COPG2: variants seen among roughly 807,000 people sequenced by gnomAD.
The protein encoded by COPG2 is coat protein complex I subunit gamma 2.
Under a neutral mutation model 46.3 loss-of-function variants are expected in COPG2, and 37 were observed. The observed-to-expected ratio is 0.80, with a 90% CI of 0.61 to 1.05. The LOEUF (loss-of-function observed/expected upper bound fraction) is 1.05, where lower values mean the gene tolerates loss of function less well. COPG2 is among the 50% of genes least tolerant of loss of function. COPG2 has a pLI of 0.00. For missense variants in COPG2, 427 were observed against 387.8 expected, an observed-to-expected ratio of 1.10 and a Z score of -0.85; for synonymous variants, 159 against 129.7, an observed-to-expected ratio of 1.23 and a Z score of -1.53.
chr7:130,615,320 AGT>A (rs1794931810), intron 6 of COPG2, among the ~76,000 whole-genome samples: 1 of 152,204 alleles, frequency 6.6e-6, no homozygotes, highest in Non-Finnish European at 1.5e-5. Flanking sequence ...ATAATCAGAA[AGT>A]TATATGAGGA....
At position 130,668,695 on chromosome 7, in the gene COPG2, C is replaced by CCACCGCAACCGTCCCAGG; in HGVS notation, c.-45_-28dup. ...TTGGACGACTTCCCAGCGCCCAGAC[C>CCACCGCAACCGTCCCAGG]CACCGCAACCGTCCCAGGCGCCGCA... On this transcript the variant is annotated 5_prime_UTR_variant, in exon 1 of 24. Transcript: ENST00000425248. 1 of 1,521,846 alleles carries CCACCGCAACCGTCCCAGG rather than the reference C, an allele frequency of 6.6e-7. No homozygotes were observed. Among genetic ancestry groups the CCACCGCAACCGTCCCAGG allele is most frequent in the Non-Finnish European group, 8.8e-7 (1 of 1,135,514 alleles). The allele number at this position is 1,521,846 out of a possible 1,614,324, so 94.3% of individuals were successfully genotyped here.
intron 11 of COPG2, among the ~76,000 whole-genome samples, chr7:130,561,847 T>C (rs1271407653): frequency 6.6e-6 from 1 of 152,192 alleles, no homozygotes; most frequent in South Asian, 2.1e-4. Flanking sequence ...TGCGAAACTC[T>C]TTAATTCTTA....
chr7:130,592,019 G>A (rs192306163), intron 9 of COPG2, among the ~76,000 whole-genome samples: 2 of 152,212 alleles, frequency 1.3e-5, no homozygotes, highest in East Asian at 1.9e-4. Context: ...TGTAGAAAGA[G>A]GTAGACATGG....
At chr7:130,572,403 T>A (rs1240662615) in intron 9 of COPG2, among the ~76,000 whole-genome samples, 2 of 152,154 alleles carry the variant, frequency 1.3e-5, no homozygotes, top group African/African-American at 4.8e-5. Context: ...ACCCAGTAAC[T>A]GTAAAAATAC....
At chr7:130,507,237 A>G in intron 23 of COPG2, 37 bp downstream of exon 23, 1 of 780,128 alleles carries the variant, frequency 1.3e-6, no homozygotes. Context: ...TAAGCTTTGC[A>G]AGAAAATGGA....
At chr7:130,513,308 A>ATATATAT (rs1554441290) in intron 20 of COPG2, among the ~76,000 whole-genome samples, 9 of 55,656 alleles carry the variant, frequency 1.6e-4, no homozygotes, top group African/African-American at 1.9e-4. Context: ...AAAAAAAAAA[A>ATATATAT]ATATATATAT....
At chr7:130,664,637 T>A (rs1796038336) in intron 3 of COPG2, among the ~76,000 whole-genome samples, 2 of 152,368 alleles carry the variant, frequency 1.3e-5, no homozygotes, top group South Asian at 4.1e-4. Context: ...CTTGGTAATT[T>A]CCTTATCAAG....
At chr7:130,574,229 T>C (rs1189704540) in intron 9 of COPG2, among the ~76,000 whole-genome samples, 1 of 152,144 alleles carries the variant, frequency 6.6e-6, no homozygotes, top group Non-Finnish European at 1.5e-5. Context: ...TACAACACAG[T>C]GAACCTCAAA....
intron 9 of COPG2, among the ~76,000 whole-genome samples, chr7:130,601,886 AGAAGGAAG>A (rs1190580860): frequency 1.4e-5 from 2 of 144,462 alleles, no homozygotes; most frequent in African/African-American, 2.5e-5. Context: ...AAGGAAGCAA[AGAAGGAAG>A]GAAGGAAGGA....
intron 9 of COPG2, among the ~76,000 whole-genome samples, chr7:130,575,872 T>C (rs1186024713): frequency 6.6e-6 from 1 of 152,092 alleles, no homozygotes; most frequent in African/African-American, 2.4e-5. Context: ...GGTGCCTTTA[T>C]GAAATACCTC....
At position 130,667,607 on chromosome 7, in the gene COPG2, G is replaced by A. The variant is rs1212856213; in HGVS notation, c.38-73C>T. The A allele has an allele frequency of 3.3e-6, 4 of 1,209,898 alleles. No individual in the cohort carries two copies. In the African/African-American group the frequency reaches 4.5e-5, roughly 14 times the overall value. 74.9% of individuals were successfully genotyped at this position (1,209,898 alleles called of 1,614,324 possible). On this transcript the variant is annotated intron_variant, in intron 1 of 23. Transcript: ENST00000425248. Reference sequence around the variant, plus strand: ...CAAACTTATATACTTTCCAGAGAAGGGTACTGAATGCTTGGGAAGTGAACA... The same window carrying A: ...CAAACTTATATACTTTCCAGAGAAGAGTACTGAATGCTTGGGAAGTGAACA...
intron 5 of COPG2, among the ~76,000 whole-genome samples, chr7:130,634,759 G>A (rs1290753738): frequency 3.3e-5 from 5 of 152,070 alleles, no homozygotes; most frequent in African/African-American, 1.2e-4. Context: ...GAATAGGAGT[G>A]GTGAGAGAGG....
intron 8 of COPG2, among the ~76,000 whole-genome samples, chr7:130,611,389 T>A (rs1178969844): frequency 6.6e-6 from 1 of 152,124 alleles, no homozygotes; most frequent in African/African-American, 2.4e-5. Flanking sequence ...GGCTCACACA[T>A]CCTCAGTACA....
intron 20 of COPG2, among the ~76,000 whole-genome samples, chr7:130,529,777 C>T (rs1799805935): frequency 6.6e-6 from 1 of 152,274 alleles, no homozygotes; most frequent in African/African-American, 2.4e-5. Context: ...AGACTGATCC[C>T]AGATTGTAGG....
At chr7:130,605,700 A>T (rs1554451121) in intron 9 of COPG2, 1 of 518,468 alleles carries the variant, frequency 1.9e-6, no homozygotes, top group Admixed American at 1.9e-5. Flanking sequence ...CAAGGAAATG[A>T]ATTTGGCCAA....
chr7:130,604,728 C>G, intron 9 of COPG2: 1 of 517,140 alleles, frequency 1.9e-6, no homozygotes, highest in Non-Finnish European at 3.9e-6. Flanking sequence ...AAATAGCAGG[C>G]ATTTTTGTCT....
intron 20 of COPG2, among the ~76,000 whole-genome samples, chr7:130,529,598 AC>A (rs1799804836): frequency 6.6e-6 from 1 of 152,192 alleles, no homozygotes; most frequent in Non-Finnish European, 1.5e-5. Context: ...TTAAGACCAG[AC>A]CACAGAGGCA....
At chr7:130,615,753 G>A (rs556349404) in intron 6 of COPG2, among the ~76,000 whole-genome samples, 67 of 152,290 alleles carry the variant, frequency 4.4e-4, no homozygotes, top group African/African-American at 1.6e-3. Context: ...ACTGTTTGGT[G>A]GCCAAGAGTG....
intron 5 of COPG2, among the ~76,000 whole-genome samples, chr7:130,648,339 G>A (rs1554458609): frequency 6.6e-6 from 1 of 152,128 alleles, no homozygotes; most frequent in African/African-American, 2.4e-5. Context: ...TGTGTCATTA[G>A]GGCTATGTCC....
Sources: allele counts gnomAD v4.1 joint callset (sites outside exome capture counted in the v4.1 genomes callset), GRCh38; gene constraint gnomAD v4.1.1; transcripts MANE v1.5; gene names NCBI Gene and HGNC (gene_info 2026-07-23, HGNC 2026-07-21).